RABEP2: variants seen among roughly 807,000 people sequenced by gnomAD.
RABEP2 encodes rabaptin, RAB GTPase binding effector protein 2, also known as rab GTPase-binding effector protein 2.
A neutral mutation model predicts 74.1 loss-of-function variants in RABEP2; 57 were observed. The ratio of observed to expected loss-of-function variants is 0.77; its 90% CI spans 0.62 to 0.96. RABEP2 has a LOEUF of 0.96. Ranked by LOEUF, RABEP2 falls within the 40% of genes least tolerant of loss-of-function variation. The probability of loss-of-function intolerance (pLI) is 0.00; values close to 1 mark genes in which losing one functional copy is unlikely to be tolerated. For missense variants in RABEP2, 692 were observed against 756.3 expected (o/e 0.91, Z 1.00); for synonymous variants, 351 against 344.0 (o/e 1.02, Z -0.23).
chr16:28,919,054 CT>C (rs1964433131), intron 3 of RABEP2, among the ~76,000 whole-genome samples: 1 of 152,202 alleles, frequency 6.6e-6, no homozygotes, highest in Admixed American at 6.5e-5. Flanking sequence ...TTCCCTGAGC[CT>C]TATCGTACTC....
In RABEP2 at chr16:28,908,676, G is replaced by A; in HGVS notation, c.1178C>T (p.Pro393Leu). The A allele has an allele frequency of 1.2e-6, 2 of 1,614,220 alleles. No individual in the cohort carries two copies. Among genetic ancestry groups the A allele is most frequent in the Non-Finnish European group, 1.7e-6 (2 of 1,180,034 alleles). ...ENQGLRAEQL[P>L]SSAPQGSQQE... ...CTGCGAGCCCTGGGGGGCTGAGGAT[G>A]GCAGCTGCTCGGCCCGGAGCCCTTG... The change falls in exon 8 of 13, where the codon CCA becomes CTA. Residue 393 changes from proline (P) to leucine (L), a missense_variant. Transcript: ENST00000358201.
rs1218345005 is a variant in RABEP2 at position 28,923,962 on chromosome 16, T to C, written c.274+441A>G. The C allele has an allele frequency of 1.8e-5, 3 of 167,146 alleles. No individual in the cohort carries two copies. In the East Asian group the frequency reaches 4.7e-4, roughly 26 times the overall value. The allele number at this position is 167,146 out of a possible 1,614,324, so 10.4% of individuals were successfully genotyped here. A position where few individuals can be genotyped will look rare whatever the true frequency, so the allele number is the denominator to read the frequency against. On this transcript the variant is annotated intron_variant, in intron 2 of 12. Coordinates refer to ENST00000358201, the MANE Select transcript of RABEP2 (RefSeq NM_024816.3). ...GAACGTGGGGCGGAGGTGGGGAAGC[T>C]GGTGCATGGCGTGGGGTGGAGGGGG...
Position 28,906,026 on chromosome 16 carries a change from C to T in RABEP2, c.1416G>A (p.Glu472=), listed in dbSNP as rs371567624. ...SLEGQLRVQR[E]ETEVLEASLC... is the part of the protein sequence containing the mutation. ...TTGTGCCCCTCCCCTCACCTGTCTC[C>T]TCCCGCTGCACCCTCAGCTGCCCCT... Residue 472 remains glutamate (E), a synonymous_variant, in exon 9 of 13, where the codon GAG becomes GAA. Coordinates refer to ENST00000358201, the MANE Select transcript of RABEP2 (RefSeq NM_024816.3). 5 of 1,606,044 alleles carry T rather than the reference C, an allele frequency of 3.1e-6. No homozygotes were observed. The highest frequency in any genetic ancestry group is 1.3e-5 in the African/African-American group (1 of 74,834).
chr16:28,921,918 T>C (rs887084017), intron 2 of RABEP2, among the ~76,000 whole-genome samples: 4 of 151,828 alleles, frequency 2.6e-5, no homozygotes, highest in Admixed American at 6.6e-5. Context: ...TGAACCGAGA[T>C]TGTGCCACCG....
intron 3 of RABEP2, among the ~76,000 whole-genome samples, chr16:28,919,035 G>A (rs948807921): frequency 6.6e-6 from 1 of 152,220 alleles, no homozygotes; most frequent in African/African-American, 2.4e-5. Context: ...AACAGGGGAA[G>A]TACTGAATTT....
chr16:28,916,674 A>T (rs1322142382), intron 3 of RABEP2, among the ~76,000 whole-genome samples: 1 of 121,358 alleles, frequency 8.2e-6, no homozygotes, highest in African/African-American at 3.1e-5. Context: ...TCTTGTCTCC[A>T]AAAAAAAAAA....
At position 28,914,424 on chromosome 16, in the gene RABEP2, A is replaced by G. The variant is rs761516427; in HGVS notation, c.706T>C (p.Ser236Pro). The G allele has an allele frequency of 3.1e-6, 5 of 1,613,492 alleles. No homozygotes were observed. The South Asian group carries it at 4.4e-5, about 14-fold the overall frequency. ...CCGACCCCACCGCCAAGGGAGAAGG[A>G]GGAGATGGAGGCGCTGTCATCGCAG... is the stretch of plus-strand genomic sequence containing the variant. ...HNCDDSASIS[S>P]FSLGGGVGSS... Residue 236 changes from serine to proline, a missense_variant, in exon 5 of 13, where the codon TCC becomes CCC. Physicochemically the swap from Ser to Pro is moderately conservative, Grantham distance 74. Coordinates refer to ENST00000358201, the MANE Select transcript of RABEP2 (RefSeq NM_024816.3).
rs771151761 is a variant in RABEP2 at position 28,904,998 on chromosome 16, C to T, written c.1655G>A (p.Arg552His). 48 of 1,611,868 alleles carry T rather than the reference C, an allele frequency of 3.0e-5. No homozygotes were observed. Among genetic ancestry groups the T allele is most frequent in the Non-Finnish European group, 3.5e-5 (41 of 1,179,766 alleles). ...IRQAETLEQV[R>H]SIMDEAPLTD... is the part of the protein sequence containing the mutation. ...GAGTGGCGCCTCATCCATGATGCTG[C>T]GCACTTGCTCCAGGGTCTCAGCCTG... Residue 552 changes from arginine to histidine, a missense_variant, in exon 13 of 13, where the codon CGC (arginine) becomes CAC (histidine). Physicochemically the swap from Arg to His is conservative, Grantham distance 29. Transcript: ENST00000358201.
chr16:28,924,552 C>T lies in RABEP2; in HGVS notation c.125G>A (p.Arg42Gln). 6.2e-7 allele frequency: 1 copy of T among 1,613,838 alleles called. No homozygotes were observed. The highest frequency in any genetic ancestry group is 8.5e-7 in the Non-Finnish European group (1 of 1,180,018). ...GGCGCCTGCCAGCTCAGCCCGAAGC[C>T]GGCTGAGCTCACCTGACTCGGCCTC... Reference protein sequence around the residue: ...NGEAESGELSRLRAELAGALA... With the variant: ...NGEAESGELSQLRAELAGALA... The change falls in exon 2 of 13, where the codon CGG becomes CAG. Residue 42 changes from arginine to glutamine, a missense_variant. Physicochemically the swap from Arg to Gln is conservative, Grantham distance 43. Transcript: ENST00000358201.
At position 28,914,765 on chromosome 16, in the gene RABEP2, CTCCGAG is replaced by C. The variant is rs756547529; in HGVS notation, c.444_449del (p.Asp148_Ser149del). The C allele has an allele frequency of 3.5e-5, 57 of 1,614,024 alleles. No homozygotes were observed. The African/African-American group carries it at 6.7e-4, about 19-fold the overall frequency. ...TGGGCAGTACGATCTCCCGCAGCTT[CTCCGAG>C]TCCTCGTGGGCCTGGAGGGAGCGGG... On this transcript the variant is annotated inframe_deletion, in exon 4 of 13. Transcript: ENST00000358201.
In RABEP2 at chr16:28,904,873, G is replaced by A; in HGVS notation, c.*70C>T. The A allele has an allele frequency of 1.7e-6, 2 of 1,192,946 alleles. No individual in the cohort carries two copies. Among genetic ancestry groups the A allele is most frequent in the Non-Finnish European group, 2.4e-6 (2 of 826,012 alleles). 73.9% of individuals were successfully genotyped at this position (1,192,946 alleles called of 1,614,324 possible). A position where few individuals can be genotyped will look rare whatever the true frequency, so the allele number is the denominator to read the frequency against. The stretch of plus-strand genomic sequence containing the variant: ...TGGAAAAGCCATCCAAGACCCCAGA[G>A]CGAGGCCTCATGGTTCAGGAGTGGG... On this transcript the variant is annotated 3_prime_UTR_variant, in exon 13 of 13. Coordinates refer to ENST00000358201, the MANE Select transcript of RABEP2 (RefSeq NM_024816.3).
At chr16:28,917,449 T>C (rs1462629868) in intron 3 of RABEP2, among the ~76,000 whole-genome samples, 2 of 152,202 alleles carry the variant, frequency 1.3e-5, no homozygotes, top group Non-Finnish European at 2.9e-5. Flanking sequence ...AGACGGAATC[T>C]TGCTCTGTTG....
intron 5 of RABEP2, among the ~76,000 whole-genome samples, chr16:28,911,785 A>G (rs1964317903): frequency 6.6e-6 from 1 of 151,476 alleles, no homozygotes; most frequent in South Asian, 2.1e-4. Context: ...TGTCTCTACT[A>G]AAAATACAAA....
At chr16:28,914,647 C>T (rs1324194427) in intron 4 of RABEP2, 25 bp downstream of exon 4, 1 of 1,612,970 alleles carries the variant, frequency 6.2e-7, no homozygotes, top group Non-Finnish European at 8.5e-7. Flanking sequence ...CCTCCTTCCC[C>T]AGCGCCCCCT....
chr16:28,908,739 C>T lies in RABEP2; in HGVS notation c.1115G>A (p.Cys372Tyr). The stretch of plus-strand genomic sequence containing the variant: ...CAACCGCTTTACCTCATGGTGCAGG[C>T]ACTTGTGGGTGGTGACCAGCTCCGC... ...QMAELVTTHK[C>Y]LHHEVKRLNE... Residue 372 changes from cysteine to tyrosine, a missense_variant, in exon 8 of 13, where the codon TGC becomes TAC. Coordinates refer to ENST00000358201, the MANE Select transcript of RABEP2 (RefSeq NM_024816.3). 1 of 1,614,162 alleles carries T rather than the reference C, an allele frequency of 6.2e-7. No homozygotes were observed. The highest frequency in any genetic ancestry group is 8.5e-7 in the Non-Finnish European group (1 of 1,180,020).
chr16:28,906,030 C>T lies in RABEP2; in HGVS notation c.1412G>A (p.Arg471Gln), dbSNP rs767219268. The change falls in exon 9 of 13, where the codon CGG becomes CAG. Residue 471 changes from arginine (R) to glutamine (Q), a missense_variant. Transcript: ENST00000358201. ...GCCCCTCCCCTCACCTGTCTCCTCC[C>T]GCTGCACCCTCAGCTGCCCCTCCAG... ...ASLEGQLRVQREETEVLEASL... is the reference protein window; with the variant it reads ...ASLEGQLRVQQEETEVLEASL... 1.9e-5 allele frequency: 31 copies of T among 1,605,410 alleles called. No homozygotes were observed. The highest frequency in any genetic ancestry group is 1.4e-4 in the East Asian group (6 of 44,344).
chr16:28,925,221 G>C lies in RABEP2; in HGVS notation c.-58C>G. 6.7e-7 allele frequency: 1 copy of C among 1,496,936 alleles called. No homozygotes were observed. The highest frequency in any genetic ancestry group is 1.3e-5 in the South Asian group (1 of 78,980). 92.7% of individuals were successfully genotyped at this position (1,496,936 alleles called of 1,614,324 possible). A position where few individuals can be genotyped will look rare whatever the true frequency, so the allele number is the denominator to read the frequency against. On this transcript the variant is annotated 5_prime_UTR_variant, in exon 1 of 13. Transcript: ENST00000358201. ...CCTGGTGACGGAGCGCACCGCTTCCGGGTCCTCTCGGCTGTTTCCGGATCC... is the reference window on the plus strand; with the variant it reads ...CCTGGTGACGGAGCGCACCGCTTCCCGGTCCTCTCGGCTGTTTCCGGATCC...
At chr16:28,908,868 A>G in intron 7 of RABEP2, 104 bp from the exon 8 acceptor site, 1 of 1,219,234 alleles carries the variant, frequency 8.2e-7, no homozygotes, top group Non-Finnish European at 1.1e-6. Flanking sequence ...ACAGCAAGAG[A>G]GCCCATACCC....
intron 7 of RABEP2, among the ~76,000 whole-genome samples, chr16:28,908,972 G>A (rs1244738919): frequency 1.3e-5 from 2 of 151,060 alleles, no homozygotes; most frequent in African/African-American, 4.9e-5. Flanking sequence ...GCTGCTGCCA[G>A]GGCCCAAGCC....
Sources: allele counts gnomAD v4.1 joint callset (sites outside exome capture counted in the v4.1 genomes callset), GRCh38; gene constraint gnomAD v4.1.1; transcripts MANE v1.5; gene names NCBI Gene and HGNC (gene_info 2026-07-23, HGNC 2026-07-21).